Variants in TMPRSS15 observed in about 807,000 individuals in gnomAD.
The protein encoded by TMPRSS15 is enteropeptidase.
In TMPRSS15, 128 loss-of-function variants were observed where a neutral mutation model predicts 125.3. The observed-to-expected ratio is 1.02, with a 90% CI of 0.89 to 1.18. The LOEUF is 1.18. Among genes scored for constraint, TMPRSS15 ranks in the 50% most tolerant of loss-of-function variants. TMPRSS15 has a pLI of 0.00. For missense variants in TMPRSS15, 1,283 were observed against 1,212.7 expected (o/e 1.06, Z -0.86); for synonymous variants, 446 against 423.2 (o/e 1.05, Z -0.66).
chr21:18,310,580 A>G (rs2146931734), intron 18 of TMPRSS15, among the ~76,000 whole-genome samples: 1 of 152,246 alleles, frequency 6.6e-6, no homozygotes. Context: ...AATGAAAAGC[A>G]TCCTATACTC....
rs28438747 is a variant in TMPRSS15 at position 18,275,426 on chromosome 21, T to C, written c.2765-90A>G. 171 of 1,470,806 alleles carry C rather than the reference T, an allele frequency of 1.2e-4. No individual in the cohort carries two copies. The African/African-American group carries it at 2.1e-3, about 18-fold the overall frequency. 91.1% of individuals were successfully genotyped at this position (1,470,806 alleles called of 1,614,324 possible). A position where few individuals can be genotyped will look rare whatever the true frequency, so the allele number is the denominator to read the frequency against. On this transcript the variant is annotated intron_variant, in intron 23 of 24. Transcript: ENST00000284885. ...ACCATCAGTCCTATTTATTCCAACA[T>C]TTCACTCTCATTATCAAGTACTGTG...
chr21:18,376,010 TA>T (rs1179626654), intron 5 of TMPRSS15, among the ~76,000 whole-genome samples: 1 of 152,208 alleles, frequency 6.6e-6, no homozygotes, highest in Non-Finnish European at 1.5e-5. Flanking sequence ...TGAAAAGGGA[TA>T]ATAGTACTTG....
At chr21:18,335,173 G>A (rs1214717228) in intron 13 of TMPRSS15, among the ~76,000 whole-genome samples, 2 of 152,178 alleles carry the variant, frequency 1.3e-5, no homozygotes, top group East Asian at 1.9e-4. Context: ...ACCAGTGAAG[G>A]AGGGAATGTC....
intron 3 of TMPRSS15, among the ~76,000 whole-genome samples, chr21:18,384,318 A>G (rs1437399176): frequency 6.6e-6 from 1 of 152,210 alleles, no homozygotes; most frequent in Non-Finnish European, 1.5e-5. Context: ...ATATCAAAAT[A>G]TGCCCTGATT....
chr21:18,275,441 C>A (rs1269860546), intron 23 of TMPRSS15, 105 bp from the exon 24 acceptor site: 1 of 1,342,780 alleles, frequency 7.4e-7, no homozygotes, highest in Non-Finnish European at 1.1e-6. Context: ...CTCTCATTAT[C>A]AAGTACTGTG....
At chr21:18,410,460 C>T (rs945077013) in intron 1 of TMPRSS15, among the ~76,000 whole-genome samples, 4 of 152,012 alleles carry the variant, frequency 2.6e-5, no homozygotes, top group African/African-American at 9.7e-5. Context: ...CAGATATTTT[C>T]CCTATCTTTA....
At chr21:18,344,899 T>G (rs1455789259) in intron 10 of TMPRSS15, among the ~76,000 whole-genome samples, 1 of 152,238 alleles carries the variant, frequency 6.6e-6, no homozygotes, top group Non-Finnish European at 1.5e-5. Flanking sequence ...CAATTTTTTA[T>G]GAGATGATGA....
intron 14 of TMPRSS15, 46 bp downstream of exon 14, chr21:18,332,038 T>C: frequency 6.5e-7 from 1 of 1,539,626 alleles, no homozygotes; most frequent in Non-Finnish European, 9.0e-7. Context: ...GATCTACATT[T>C]CATATGGACA....
chr21:18,304,133 C>T (rs1021832724), intron 18 of TMPRSS15, among the ~76,000 whole-genome samples: 10 of 152,028 alleles, frequency 6.6e-5, no homozygotes, highest in Admixed American at 1.3e-4. Flanking sequence ...TGCCAGGGTT[C>T]GTGGGGGTCT....
chr21:18,295,701 TC>T (rs2074897730), intron 19 of TMPRSS15, among the ~76,000 whole-genome samples: 1 of 152,230 alleles, frequency 6.6e-6, no homozygotes, highest in Non-Finnish European at 1.5e-5. Context: ...TATAAGGAAG[TC>T]TATCTTTTTA....
chr21:18,423,486 G>A (rs2076196511), intron 1 of TMPRSS15, among the ~76,000 whole-genome samples: 1 of 149,076 alleles, frequency 6.7e-6, no homozygotes, highest in Admixed American at 6.7e-5. Context: ...TCGGCTCACT[G>A]CAAGCTCCGC....
chr21:18,295,954 C>A (rs2074902212), intron 19 of TMPRSS15, among the ~76,000 whole-genome samples: 1 of 152,118 alleles, frequency 6.6e-6, no homozygotes, highest in South Asian at 2.1e-4. Flanking sequence ...AGATCGAGAC[C>A]ATCCTGGCTA....
intron 8 of TMPRSS15, 65 bp downstream of exon 8, chr21:18,359,692 C>A: frequency 2.7e-6 from 2 of 753,120 alleles, no homozygotes. Flanking sequence ...GGAAAACATA[C>A]CACTCCAAAA....
chr21:18,419,220 CTTTT>C (rs540004490), intron 1 of TMPRSS15, among the ~76,000 whole-genome samples: 73 of 108,610 alleles, frequency 6.7e-4, no homozygotes, highest in African/African-American at 2.2e-3. Context: ...GACATTTCCT[CTTTT>C]TTTTTTTTTT....
chr21:18,294,792 G>T (rs1601288561), intron 19 of TMPRSS15, 140 bp from the exon 20 acceptor site: 1 of 750,402 alleles, frequency 1.3e-6, no homozygotes, highest in Non-Finnish European at 2.3e-6. Flanking sequence ...AGACTGAATT[G>T]TAAGCCGAAG....
chr21:18,452,459 C>A (rs1026328006), intron 1 of TMPRSS15, among the ~76,000 whole-genome samples: 2 of 152,092 alleles, frequency 1.3e-5, no homozygotes, highest in African/African-American at 4.8e-5. Context: ...AGCCCAACAG[C>A]TCTAGACCAG....
At chr21:18,402,423 C>A (rs2076103378) in intron 1 of TMPRSS15, among the ~76,000 whole-genome samples, 1 of 149,384 alleles carries the variant, frequency 6.7e-6, no homozygotes, top group Non-Finnish European at 1.5e-5. Context: ...CAGCTACTAG[C>A]AAGGCTGAGG....
intron 6 of TMPRSS15, among the ~76,000 whole-genome samples, chr21:18,368,573 AC>A (rs2075761699): frequency 6.6e-6 from 1 of 152,320 alleles, no homozygotes; most frequent in African/African-American, 2.4e-5. Context: ...CTAGAGCACA[AC>A]CCTTTGCCAT....
At position 18,403,767 on chromosome 21, in the gene TMPRSS15, T is replaced by C; in HGVS notation, c.-145A>G. ...ATGCATACCAGTCAGTGTAAGTGAG[T>C]TGTGTATGTCTCTTTGGCAAAATTA... is the stretch of plus-strand genomic sequence containing the variant. On this transcript the variant is annotated 5_prime_UTR_variant, in exon 1 of 25. Coordinates refer to ENST00000284885, the MANE Select transcript of TMPRSS15 (RefSeq NM_002772.3). 2 of 998,294 alleles carry C rather than the reference T, an allele frequency of 2.0e-6. No homozygotes were observed. Among genetic ancestry groups the C allele is most frequent in the Admixed American group, 2.1e-5 (1 of 47,956 alleles). 61.8% of individuals were successfully genotyped at this position (998,294 alleles called of 1,614,324 possible). A position where few individuals can be genotyped will look rare whatever the true frequency, so the allele number is the denominator to read the frequency against.
Sources: gnomAD v4.1 joint callset for allele counts (sites outside exome capture counted in the v4.1 genomes callset) on GRCh38, gnomAD v4.1.1 for gene constraint, MANE v1.5 for transcripts, NCBI Gene and HGNC (gene_info 2026-07-23, HGNC 2026-07-21) for gene names.